Variants in DOCK5 observed in about 807,000 individuals in gnomAD.
DOCK5 encodes dedicator of cytokinesis 5.
In DOCK5, 142 loss-of-function variants were observed where a neutral mutation model predicts 251.8. The observed-to-expected ratio is 0.56, with a 90% CI of 0.49 to 0.65. The LOEUF (loss-of-function observed/expected upper bound fraction) is 0.65, where lower values mean the gene tolerates loss of function less well. DOCK5 is among the 30% of genes least tolerant of loss of function. DOCK5 has a pLI of 0.00. For missense variants in DOCK5, 2,111 were observed against 2,312.3 expected (o/e 0.91, Z 1.79); for synonymous variants, 842 against 835.5 (o/e 1.01, Z -0.13).
chr8:25,380,452 T>C, intron 39 of DOCK5, 58 bp downstream of exon 39: 2 of 1,400,020 alleles, frequency 1.4e-6, no homozygotes, highest in Non-Finnish European at 2.0e-6. Context: ...TTAGCACTCA[T>C]GAAAATGTTT....
At chr8:25,282,000 C>T (rs1317260784) in intron 5 of DOCK5, among the ~76,000 whole-genome samples, 1 of 151,160 alleles carries the variant, frequency 6.6e-6, no homozygotes, top group Non-Finnish European at 1.5e-5. Context: ...TTTAAAATGT[C>T]TTATAGCCGC....
chr8:25,195,067 C>T (rs936391367), intron 1 of DOCK5, among the ~76,000 whole-genome samples: 12 of 151,892 alleles, frequency 7.9e-5, no homozygotes, highest in Middle Eastern at 6.8e-3. Context: ...ACTACAGGTG[C>T]GCATCACCAC....
chr8:25,202,855 C>T (rs1028945053), intron 1 of DOCK5, among the ~76,000 whole-genome samples: 4 of 152,128 alleles, frequency 2.6e-5, no homozygotes, highest in Admixed American at 2.6e-4. Context: ...ACTTGAACAC[C>T]AGCACTGCAA....
rs147924957 is a variant in DOCK5 at position 25,393,109 on chromosome 8, T to C, written c.4527+227T>C. Among the ~76,000 whole-genome samples the C allele has an allele frequency of 6.0e-4, 91 of 152,326 alleles. No individual in the cohort carries two copies. The Middle Eastern group carries it at 0.01, about 17-fold the overall frequency. The stretch of plus-strand genomic sequence containing the variant: ...TCAATCACAGTGAATGACTCTTTTA[T>C]GTCCAGAGGAGTGGTGTCTGCTCAG... On this transcript the variant is annotated intron_variant, in intron 44 of 51. Transcript: ENST00000276440.
intron 45 of DOCK5, among the ~76,000 whole-genome samples, chr8:25,397,404 A>G (rs1414483263): frequency 6.6e-6 from 1 of 152,170 alleles, no homozygotes; most frequent in African/African-American, 2.4e-5. Context: ...AATGTTCTTC[A>G]TGGGTGGTGA....
intron 2 of DOCK5, among the ~76,000 whole-genome samples, chr8:25,262,297 T>C (rs2117585497): frequency 6.6e-6 from 1 of 152,218 alleles, no homozygotes; most frequent in Admixed American, 6.5e-5. Flanking sequence ...ATAATTTGCA[T>C]AGAGTAAAAT....
At position 25,395,681 on chromosome 8, in the gene DOCK5, G is replaced by A. The variant is rs1385133240; in HGVS notation, c.4666G>A (p.Asp1556Asn). 4 of 1,613,806 alleles carry A rather than the reference G, an allele frequency of 2.5e-6. No homozygotes were observed. The East Asian group carries it at 6.7e-5, about 27-fold the overall frequency. Residue 1556 changes from aspartate to asparagine, a missense_variant, in exon 45 of 52, where the codon GAC (aspartate) becomes AAC (asparagine). This residue lies in a region of DOCK5 where 1,717 missense variants were observed against 1,892.4 expected (regional missense o/e 0.91). Coordinates refer to ENST00000276440, the MANE Select transcript of DOCK5 (RefSeq NM_024940.8). The stretch of plus-strand genomic sequence containing the variant: ...CTCCATGCTGCTCAGTGGCATCGTG[G>A]ACCCGGCCGTCATGGGGGGCTTCTC... The part of the protein sequence containing the change: ...PLSMLLSGIV[D>N]PAVMGGFSNY...
At chr8:25,403,766 G>A (rs752014885) in intron 48 of DOCK5, 42 bp downstream of exon 48, 41 of 1,597,674 alleles carry the variant, frequency 2.6e-5, no homozygotes, top group Non-Finnish European at 3.2e-5. Context: ...GTGGGGTAAC[G>A]CCTTACTAAT....
intron 2 of DOCK5, among the ~76,000 whole-genome samples, chr8:25,264,564 G>A (rs552104006): frequency 8.6e-5 from 13 of 151,672 alleles, no homozygotes; most frequent in Admixed American, 2.0e-4. Context: ...AGTGGCTCAC[G>A]CCTGTAATCC....
intron 45 of DOCK5, among the ~76,000 whole-genome samples, chr8:25,398,505 T>A (rs1461867424): frequency 6.6e-6 from 1 of 152,210 alleles, no homozygotes; most frequent in Non-Finnish European, 1.5e-5. Context: ...ACTTCTTGTT[T>A]CACTGTTGCA....
intron 34 of DOCK5, 96 bp downstream of exon 34, chr8:25,369,737 C>G: frequency 5.6e-6 from 6 of 1,063,056 alleles, no homozygotes; most frequent in Non-Finnish European, 8.3e-6. Flanking sequence ...ATTGAGTAGT[C>G]TCAGAGTCAC....
intron 1 of DOCK5, among the ~76,000 whole-genome samples, chr8:25,203,164 G>A (rs1801920299): frequency 6.6e-6 from 1 of 152,214 alleles, no homozygotes. Flanking sequence ...ATGAGGATAG[G>A]AATCCACTGA....
chr8:25,299,799 A>G (rs1804714007), intron 8 of DOCK5, among the ~76,000 whole-genome samples: 1 of 152,192 alleles, frequency 6.6e-6, no homozygotes, highest in African/African-American at 2.4e-5. Context: ...AGCTAAGAAA[A>G]TGGAGAATTT....
chr8:25,270,842 C>T (rs1188482890), intron 3 of DOCK5: 4 of 709,708 alleles, frequency 5.6e-6, no homozygotes, highest in African/African-American at 5.2e-5. Flanking sequence ...GCTCAAGTCT[C>T]TGATATAAAA....
intron 27 of DOCK5, among the ~76,000 whole-genome samples, chr8:25,355,608 C>A (rs1800553171): frequency 6.6e-6 from 1 of 152,022 alleles, no homozygotes; most frequent in Non-Finnish European, 1.5e-5. Context: ...TGCCCTGACA[C>A]CCAGCTAATT....
At chr8:25,397,265 A>G (rs1358203058) in intron 45 of DOCK5, among the ~76,000 whole-genome samples, 1 of 152,106 alleles carries the variant, frequency 6.6e-6, no homozygotes, top group Non-Finnish European at 1.5e-5. Flanking sequence ...AAGATAGATC[A>G]CAGGATGGTT....
intron 4 of DOCK5, 103 bp downstream of exon 4, chr8:25,275,544 C>T: frequency 8.4e-7 from 1 of 1,191,208 alleles, no homozygotes; most frequent in African/African-American, 1.6e-5. Context: ...TAATAGTTCT[C>T]TCATCTCAGG....
At chr8:25,196,971 G>A (rs1801745000) in intron 1 of DOCK5, among the ~76,000 whole-genome samples, 1 of 152,110 alleles carries the variant, frequency 6.6e-6, no homozygotes, top group Admixed American at 6.5e-5. Flanking sequence ...GGCTGAGGCT[G>A]GAGGATTGCT....
Position 25,389,212 on chromosome 8 carries a change from T to A in DOCK5, c.4253T>A (p.Ile1418Asn), listed in dbSNP as rs1801214751. Residue 1418 changes from isoleucine to asparagine, a missense_variant, in exon 41 of 52, where the codon ATC becomes AAC. Ile to Asn is a moderately radical substitution (Grantham distance 149). Transcript: ENST00000276440. Reference sequence around the variant, plus strand: ...AGTACCACGCCTCCTGGGGAAGACATCAAGTCGTCCCCCAAGCAGTGTATC... The same window carrying A: ...AGTACCACGCCTCCTGGGGAAGACAACAAGTCGTCCCCCAAGCAGTGTATC... ...MTSTTPPGED[I>N]KSSPKQYMQC... The A allele has an allele frequency of 6.2e-7, 1 of 1,613,896 alleles. No individual in the cohort carries two copies. The highest frequency in any genetic ancestry group is 8.5e-7 in the Non-Finnish European group (1 of 1,179,856).
Sources: gnomAD v4.1 joint callset for allele counts (sites outside exome capture counted in the v4.1 genomes callset) on GRCh38, gnomAD v4.1.1 for gene constraint, gnomAD v4.1.1 regional missense constraint, MANE v1.5 for transcripts, NCBI Gene and HGNC (gene_info 2026-07-23, HGNC 2026-07-21) for gene names.